SCHIP1: variants seen among roughly 807,000 people sequenced by gnomAD.
The protein encoded by SCHIP1 is schwannomin-interacting protein 1.
In SCHIP1, 8 loss-of-function variants were observed where a neutral mutation model predicts 29.7. The ratio of observed to expected loss-of-function variants is 0.27; its 90% confidence interval spans 0.16 to 0.49. The LOEUF is 0.49. Ranked by LOEUF, SCHIP1 falls within the 20% of genes least tolerant of loss-of-function variation. The pLI is 0.99. For missense variants in SCHIP1, 193 were observed against 294.6 expected, an observed-to-expected ratio of 0.66 and a Z score of 2.52; for synonymous variants, 76 against 94.9, an observed-to-expected ratio of 0.80 and a Z score of 1.16.
In SCHIP1 at chr3:159,853,419, C is replaced by G. The variant is rs186534213; in HGVS notation, c.31-12744C>G. ...TGATGGAATGGATGACATCATCAGT[C>G]AAGAATCCTCATTGGATATGGAGGG... is the stretch of plus-strand genomic sequence containing the variant. On this transcript the variant is annotated intron_variant, in intron 1 of 6. Transcript: ENST00000445224. 9.7e-5 allele frequency: 68 copies of G among 697,906 alleles called. No homozygotes were observed. The African/African-American group carries it at 1.1e-3, about 11-fold the overall frequency. The allele number at this position is 697,906 out of a possible 1,614,324, so 43.2% of individuals were successfully genotyped here.
At chr3:159,846,762 T>C (rs1000715928) in intron 1 of SCHIP1, among the ~76,000 whole-genome samples, 11 of 152,210 alleles carry the variant, frequency 7.2e-5, no homozygotes, top group African/African-American at 2.4e-4. Context: ...GTCTTCATTG[T>C]TTTGCCTGTT....
the SCHIP1 span, among the ~76,000 whole-genome samples, chr3:159,614,911 C>T: frequency 1.3e-5 from 2 of 152,104 alleles, no homozygotes; most frequent in Non-Finnish European, 2.9e-5. Context: ...GACAGACTGT[C>T]CTCAAGGAGG....
At chr3:159,767,987 A>G in the SCHIP1 span, among the ~76,000 whole-genome samples, 17 of 152,272 alleles carry the variant, frequency 1.1e-4, no homozygotes, top group Middle Eastern at 3.4e-3. Context: ...GAATGAATGA[A>G]TGAATGTTTA....
At chr3:159,566,825 T>C in the SCHIP1 span, among the ~76,000 whole-genome samples, 8 of 152,282 alleles carry the variant, frequency 5.3e-5, no homozygotes, top group Admixed American at 2.6e-4. Context: ...TAAGTACATG[T>C]GCTAGTTTCT....
At chr3:159,674,551 T>C in the SCHIP1 span, among the ~76,000 whole-genome samples, 415 of 134,208 alleles carry the variant, frequency 3.1e-3, 1 homozygote, top group Middle Eastern at 0.015. Flanking sequence ...AACCTGTCCA[T>C]GCATAGCAGG....
chr3:159,472,555 G>A, the SCHIP1 span, among the ~76,000 whole-genome samples: 1 of 152,120 alleles, frequency 6.6e-6, no homozygotes, highest in African/African-American at 2.4e-5. Flanking sequence ...TTAAGCTGTG[G>A]TTGTGTTACT....
chr3:159,577,303 G>A, the SCHIP1 span, among the ~76,000 whole-genome samples: 3 of 152,150 alleles, frequency 2.0e-5, no homozygotes, highest in Non-Finnish European at 4.4e-5. Context: ...GGGTCTCATG[G>A]AATTTACACT....
the SCHIP1 span, among the ~76,000 whole-genome samples, chr3:159,704,181 T>C: frequency 6.6e-6 from 1 of 152,060 alleles, no homozygotes; most frequent in Non-Finnish European, 1.5e-5. Flanking sequence ...ACACCTGTAA[T>C]CCTAGCACTT....
chr3:159,393,429 G>C, the SCHIP1 span, among the ~76,000 whole-genome samples: 2,533 of 151,946 alleles, frequency 0.017, 85 homozygotes, highest in African/African-American at 0.058. Context: ...TTTTCTTCTA[G>C]GGTTTTTATG....
At chr3:159,534,756 A>G in the SCHIP1 span, among the ~76,000 whole-genome samples, 2 of 152,190 alleles carry the variant, frequency 1.3e-5, no homozygotes, top group African/African-American at 2.4e-5. Context: ...TGAAGTAGTC[A>G]GTTTCTGTAT....
At chr3:159,433,905 C>G in the SCHIP1 span, among the ~76,000 whole-genome samples, 1 of 152,108 alleles carries the variant, frequency 6.6e-6, no homozygotes, top group Non-Finnish European at 1.5e-5. Context: ...ACACCTGTCC[C>G]CATTACAGCA....
the SCHIP1 span, chr3:159,273,406 TA>T: frequency 1.2e-5 from 12 of 1,004,290 alleles, no homozygotes; most frequent in Non-Finnish European, 1.4e-5. Context: ...AATCGAAAAG[TA>T]GATCAGATGA....
At chr3:159,696,189 C>A in the SCHIP1 span, among the ~76,000 whole-genome samples, 1 of 152,168 alleles carries the variant, frequency 6.6e-6, no homozygotes, top group Non-Finnish European at 1.5e-5. Context: ...ACAATCAGGT[C>A]CTACTCACAT....
chr3:159,851,508 G>A (rs1230201160), intron 1 of SCHIP1, among the ~76,000 whole-genome samples: 4 of 152,122 alleles, frequency 2.6e-5, no homozygotes, highest in Non-Finnish European at 5.9e-5. Context: ...TATGTAGGAG[G>A]AACATATAAA....
At chr3:159,687,822 C>A in the SCHIP1 span, among the ~76,000 whole-genome samples, 1 of 152,286 alleles carries the variant, frequency 6.6e-6, no homozygotes, top group East Asian at 1.9e-4. Context: ...CATTGTTCAA[C>A]TTCCACTTAT....
the SCHIP1 span, among the ~76,000 whole-genome samples, chr3:159,651,728 C>A: frequency 1.3e-5 from 2 of 152,098 alleles, no homozygotes; most frequent in Non-Finnish European, 2.9e-5. Flanking sequence ...ACTTTTTTTA[C>A]TGAAAAGTCT....
At chr3:159,359,962 C>G in the SCHIP1 span, among the ~76,000 whole-genome samples, 2 of 152,208 alleles carry the variant, frequency 1.3e-5, no homozygotes, top group Admixed American at 6.5e-5. Flanking sequence ...TGTACTCTCC[C>G]TTGTTTGTTA....
the SCHIP1 span, among the ~76,000 whole-genome samples, chr3:159,495,307 A>C: frequency 6.6e-6 from 1 of 152,234 alleles, no homozygotes; most frequent in African/African-American, 2.4e-5. Flanking sequence ...GGAAAAGAGG[A>C]AGTCAAATTG....
rs1396268038 is a variant in SCHIP1, at chr3:159,842,997, CTTTCT to C, written c.30+2787_30+2791del. 2.4e-3 allele frequency among the ~76,000 whole-genome samples: 148 copies of C among 61,754 alleles called. 16 individuals are homozygous for C. Among genetic ancestry groups the C allele is most frequent in the East Asian group, 0.013 (32 of 2,426 alleles). 40.5% of individuals were successfully genotyped at this position (61,754 alleles called of 152,430 possible). A position where few individuals can be genotyped will look rare whatever the true frequency, so the allele number is the denominator to read the frequency against. Reference sequence around the variant, plus strand: ...GCTCTCCAGTTCTATCCCAATATTTCTTTCTTTTTTTTTTTTTTTTTTTTTTTTTT... The same window carrying C: ...GCTCTCCAGTTCTATCCCAATATTTCTTTTTTTTTTTTTTTTTTTTTTTTT... On this transcript the variant is annotated intron_variant, in intron 1 of 6. Coordinates refer to ENST00000445224, the Ensembl canonical transcript of SCHIP1.
Sources: gnomAD v4.1 joint callset for allele counts (sites outside exome capture counted in the v4.1 genomes callset) on GRCh38, gnomAD v4.1.1 for gene constraint, MANE v1.5 for transcripts, NCBI Gene and HGNC (gene_info 2026-07-23, HGNC 2026-07-21) for gene names.